OTOGL: variants seen among roughly 807,000 people sequenced by gnomAD.
The protein encoded by OTOGL is otogelin like.
OTOGL carries 285 observed loss-of-function variants against 318.5 expected under a neutral mutation model. That is an observed-to-expected ratio of 0.89 (90% CI 0.81 to 0.99). The LOEUF (loss-of-function observed/expected upper bound fraction) is 0.99, where lower values mean the gene tolerates loss of function less well. Ranked by LOEUF, OTOGL falls within the 50% of genes least tolerant of loss-of-function variation. The pLI, the probability that OTOGL is intolerant of heterozygous loss-of-function variation, is 0.00. For synonymous variants in OTOGL, 987 were observed against 936.5 expected (o/e 1.05, Z -0.99); for missense variants, 2,899 against 2,845.6 (o/e 1.02, Z -0.43).
chr12:80,219,361 C>G lies in OTOGL; in HGVS notation c.236-453C>G, dbSNP rs547336341. ...TCCTGACCTCAAATGATCTGCCTGCCTTGGCTTCCCAGAGTGCTGGGATTA... is the reference window on the plus strand; with the variant it reads ...TCCTGACCTCAAATGATCTGCCTGCGTTGGCTTCCCAGAGTGCTGGGATTA... On this transcript the variant is annotated intron_variant, in intron 5 of 58. Coordinates refer to ENST00000547103, the MANE Select transcript of OTOGL (RefSeq NM_001378609.3). Among the ~76,000 whole-genome samples, 4 of 152,334 alleles carry G rather than the reference C, an allele frequency of 2.6e-5. No homozygotes were observed. The South Asian group carries it at 8.3e-4, about 32-fold the overall frequency.
intron 1 of OTOGL, among the ~76,000 whole-genome samples, chr12:80,171,862 C>A (rs34420282): frequency 0.16 from 24,540 of 151,744 alleles, 3,697 homozygotes; most frequent in African/African-American, 0.4. Context: ...CTCTATTATT[C>A]TTCTTAGTTT....
intron 9 of OTOGL, among the ~76,000 whole-genome samples, chr12:80,238,490 A>G (rs1345497661): frequency 6.6e-6 from 1 of 152,082 alleles, no homozygotes; most frequent in Non-Finnish European, 1.5e-5. Flanking sequence ...CTAAACGTTT[A>G]TATTTTTTCG....
At chr12:80,227,532 A>G (rs1167512199) in intron 7 of OTOGL, among the ~76,000 whole-genome samples, 2 of 152,170 alleles carry the variant, frequency 1.3e-5, no homozygotes, top group Non-Finnish European at 2.9e-5. Context: ...AACTCTGGAT[A>G]TATGCATGGG....
chr12:80,239,391 A>G lies in OTOGL; in HGVS notation c.1004A>G (p.Tyr335Cys). ...LQFPFLSCHE[Y>C]IDPYLYIASC... ...TTTCCTTTTCTGAGCTGCCATGAGT[A>G]TATCGATCCATACTTATATATTGCC... The change falls in exon 11 of 59, where the codon TAT becomes TGT. Residue 335 changes from tyrosine to cysteine, a missense_variant. Tyr to Cys is a radical substitution (Grantham distance 194). This residue lies in a region of OTOGL where 2,607 missense variants were observed against 2,524.9 expected (regional missense o/e 1.03). Coordinates refer to ENST00000547103, the MANE Select transcript of OTOGL (RefSeq NM_001378609.3). 6.2e-7 allele frequency: 1 copy of G among 1,610,004 alleles called. No individual in the cohort carries two copies.
chr12:80,303,178 CG>C (rs1369264365), intron 28 of OTOGL, among the ~76,000 whole-genome samples: 19 of 151,862 alleles, frequency 1.3e-4, no homozygotes, highest in African/African-American at 3.9e-4. Flanking sequence ...TTTTTTGAGA[CG>C]GAGTCTGGCT....
At chr12:80,254,694 A>G (rs572000186) in intron 15 of OTOGL, 124 bp downstream of exon 15, 9 of 751,152 alleles carry the variant, frequency 1.2e-5, no homozygotes, top group South Asian at 8.9e-5. Context: ...TGTAAATGCA[A>G]TTACTCAGAG....
At chr12:80,355,229 CT>C (rs869285817) in intron 46 of OTOGL, among the ~76,000 whole-genome samples, 5,738 of 48,836 alleles carry the variant, frequency 0.12, 269 homozygotes, top group Middle Eastern at 0.32. Context: ...TCTTTCTTTT[CT>C]TTTTTTTTTT....
chr12:80,345,231 A>G (rs1010313428), intron 44 of OTOGL, among the ~76,000 whole-genome samples: 52 of 142,200 alleles, frequency 3.7e-4, no homozygotes, highest in African/African-American at 1.2e-3. Context: ...TATATATTAT[A>G]TATATATATT....
intron 24 of OTOGL, among the ~76,000 whole-genome samples, chr12:80,272,556 C>G (rs1021147958): frequency 6.6e-6 from 1 of 152,202 alleles, no homozygotes; most frequent in South Asian, 2.1e-4. Context: ...CCTGGCCCTC[C>G]CTCTTCTGGT....
chr12:80,368,875 T>A (rs1890714530), intron 55 of OTOGL, among the ~76,000 whole-genome samples: 1 of 151,564 alleles, frequency 6.6e-6, no homozygotes, highest in African/African-American at 2.4e-5. Flanking sequence ...TAAAGCAAAT[T>A]AACAGAGGTA....
At chr12:80,290,146 G>T (rs1884940214) in intron 26 of OTOGL, among the ~76,000 whole-genome samples, 1 of 152,144 alleles carries the variant, frequency 6.6e-6, no homozygotes. Flanking sequence ...GGGTTTCCCT[G>T]GTTCCCTGGC....
chr12:80,245,063 C>T (rs1880752100), intron 11 of OTOGL, among the ~76,000 whole-genome samples: 2 of 135,750 alleles, frequency 1.5e-5, no homozygotes, highest in Non-Finnish European at 3.1e-5. Flanking sequence ...GGATATTAGC[C>T]CTTTGTCAGA....
At chr12:80,141,433 T>G (rs1479949246) in intron 1 of OTOGL, among the ~76,000 whole-genome samples, 3 of 152,162 alleles carry the variant, frequency 2.0e-5, no homozygotes, top group Non-Finnish European at 2.9e-5. Flanking sequence ...GCAAGCACTT[T>G]TATTTCTTGG....
chr12:80,142,436 A>C (rs535104527), intron 1 of OTOGL, among the ~76,000 whole-genome samples: 1 of 152,098 alleles, frequency 6.6e-6, no homozygotes, highest in Non-Finnish European at 1.5e-5. Context: ...TGAATTCTTC[A>C]ATTAAAACTT....
intron 1 of OTOGL, among the ~76,000 whole-genome samples, chr12:80,107,790 C>A (rs1378516044): frequency 6.6e-6 from 1 of 152,050 alleles, no homozygotes; most frequent in African/African-American, 2.4e-5. Context: ...AGATCATGAC[C>A]TTTGCAGCAA....
rs369490583 is a variant in OTOGL, at chr12:80,326,667, T to A, written c.4200-1998T>A. On this transcript the variant is annotated intron_variant, in intron 35 of 58. Transcript: ENST00000547103. The stretch of plus-strand genomic sequence containing the variant: ...CTTCACAAAGTTTAAAATAAGAATG[T>A]CATATGCTAGTTAAAGTTTTATTAC... 2.6e-5 allele frequency among the ~76,000 whole-genome samples: 4 copies of A among 152,328 alleles called. No individual in the cohort carries two copies. The South Asian group carries it at 8.3e-4, about 32-fold the overall frequency.
At chr12:80,354,086 C>CCTAG (rs1297481200) in intron 46 of OTOGL, among the ~76,000 whole-genome samples, 3 of 152,160 alleles carry the variant, frequency 2.0e-5, no homozygotes, top group Non-Finnish European at 4.4e-5. Flanking sequence ...TGGGAGGTGT[C>CCTAG]TGGATCATGG....
Position 80,238,735 on chromosome 12 carries a change from T to C in OTOGL, c.818-116T>C. The C allele has an allele frequency of 2.5e-6, 3 of 1,184,864 alleles. No individual in the cohort carries two copies. In the South Asian group the frequency reaches 1.0e-4, roughly 41 times the overall value. The allele number at this position is 1,184,864 out of a possible 1,614,324, so 73.4% of individuals were successfully genotyped here. ...TAATATCACATTGGTAATTATAATG[T>C]TACTGAGTTTAATGTTTTGACCAGG... On this transcript the variant is annotated intron_variant, in intron 9 of 58. Coordinates refer to ENST00000547103, the MANE Select transcript of OTOGL (RefSeq NM_001378609.3).
intron 1 of OTOGL, among the ~76,000 whole-genome samples, chr12:80,105,387 G>T (rs776933591): frequency 2.2e-4 from 33 of 152,058 alleles, no homozygotes; most frequent in Non-Finnish European, 4.1e-4. Context: ...CCTGCCTAAG[G>T]TCACACAGCT....
Sources: gnomAD v4.1 joint callset for allele counts (sites outside exome capture counted in the v4.1 genomes callset) on GRCh38, gnomAD v4.1.1 for gene constraint, gnomAD v4.1.1 regional missense constraint, MANE v1.5 for transcripts, NCBI Gene and HGNC (gene_info 2026-07-23, HGNC 2026-07-21) for gene names.